Variants in ACSS2 observed in about 807,000 individuals in gnomAD.
The protein encoded by ACSS2 is acyl-CoA synthetase short chain family member 2, also known as acetyl-coenzyme A synthetase, cytoplasmic.
Under a neutral mutation model 90.6 loss-of-function variants are expected in ACSS2, and 58 were observed. That is an observed-to-expected ratio of 0.64 (90% CI 0.52 to 0.80). The LOEUF (loss-of-function observed/expected upper bound fraction) is 0.80, where lower values mean the gene tolerates loss of function less well. Ranked by LOEUF, ACSS2 falls within the 30% of genes least tolerant of loss-of-function variation. The pLI is 0.00. For synonymous variants in ACSS2, 300 were observed against 330.9 expected, an observed-to-expected ratio of 0.91 and a Z score of 1.01; for missense variants, 759 against 912.0, an observed-to-expected ratio of 0.83 and a Z score of 2.16.
At chr20:34,887,452 T>C (rs143812382) in intron 2 of ACSS2, among the ~76,000 whole-genome samples, 1 of 152,200 alleles carries the variant, frequency 6.6e-6, no homozygotes, top group African/African-American at 2.4e-5. Flanking sequence ...AAAGACCAAA[T>C]AGATTGGCCG....
chr20:34,921,535 C>T lies in ACSS2; in HGVS notation c.1411-9C>T. The stretch of plus-strand genomic sequence containing the variant: ...ATTGACTCAAATTTCTCATCTCTGA[C>T]TTCCCCAGGGTGGCCACATGTTGAC... On this transcript the variant is annotated splice_polypyrimidine_tract_variant and intron_variant, in intron 11 of 17. Coordinates refer to ENST00000360596, the MANE Select transcript of ACSS2 (RefSeq NM_018677.4). 1 of 1,614,244 alleles carries T rather than the reference C, an allele frequency of 6.2e-7. No individual in the cohort carries two copies. The highest frequency in any genetic ancestry group is 8.5e-7 in the Non-Finnish European group (1 of 1,180,048).
chr20:34,897,739 G>A (rs1244202870), intron 2 of ACSS2, among the ~76,000 whole-genome samples: 4 of 151,966 alleles, frequency 2.6e-5, no homozygotes, highest in African/African-American at 9.7e-5. Flanking sequence ...TGAGGCAGGA[G>A]AATTGCTTGA....
At chr20:34,894,217 C>T (rs1031303172) in intron 2 of ACSS2, among the ~76,000 whole-genome samples, 5 of 152,110 alleles carry the variant, frequency 3.3e-5, no homozygotes, top group Admixed American at 6.6e-5. Flanking sequence ...CTGCCAGGCA[C>T]AGTGGCTCAT....
intron 2 of ACSS2, among the ~76,000 whole-genome samples, chr20:34,911,021 G>A (rs908921032): frequency 1.1e-4 from 17 of 151,824 alleles, no homozygotes; most frequent in African/African-American, 4.1e-4. Flanking sequence ...TTAGCAATGA[G>A]GTTTTGCTGT....
rs1307128288 is a variant in ACSS2, at chr20:34,923,389, A to G, written c.1615A>G (p.Thr539Ala). The change falls in exon 14 of 18, where the codon ACC becomes GCC. Residue 539 changes from threonine to alanine, a missense_variant. Thr to Ala is a moderately conservative substitution (Grantham distance 58). Transcript: ENST00000360596. ...VYGNHERFETTYFKKFPGYYV... is the reference protein window; with the variant it reads ...VYGNHERFETAYFKKFPGYYV... ...TGGGAACCACGAACGCTTTGAGACAACCTACTTTAAGAAGTTTCCTGGATA... is the reference window on the plus strand; with the variant it reads ...TGGGAACCACGAACGCTTTGAGACAGCCTACTTTAAGAAGTTTCCTGGATA... 1.2e-6 allele frequency: 2 copies of G among 1,614,092 alleles called. No individual in the cohort carries two copies. Among genetic ancestry groups the G allele is most frequent in the Non-Finnish European group, 1.7e-6 (2 of 1,180,036 alleles).
chr20:34,921,629 G>A (rs767881274), intron 12 of ACSS2, 29 bp downstream of exon 12: 11 of 1,614,050 alleles, frequency 6.8e-6, no homozygotes, highest in East Asian at 2.2e-5. Context: ...GCTGGTCTTG[G>A]GCTAGGCAGG....
chr20:34,919,615 G>GTA (rs758655038), intron 8 of ACSS2, 43 bp downstream of exon 8: 75 of 1,247,894 alleles, frequency 6.0e-5, no homozygotes, highest in Non-Finnish European at 7.4e-5. Context: ...GTGTGTGTGT[G>GTA]TGTGTATTAT....
At chr20:34,893,297 G>A (rs1051601496) in intron 2 of ACSS2, among the ~76,000 whole-genome samples, 1 of 152,044 alleles carries the variant, frequency 6.6e-6, no homozygotes, top group African/African-American at 2.4e-5. Context: ...AAACTCCAAG[G>A]TCCAAGTGAT....
chr20:34,905,180 A>T (rs1316755147), intron 2 of ACSS2, among the ~76,000 whole-genome samples: 2 of 151,938 alleles, frequency 1.3e-5, no homozygotes, highest in Non-Finnish European at 1.5e-5. Flanking sequence ...GCCCTCCCAG[A>T]GTGCTGGTAT....
At chr20:34,917,738 T>C (rs1324349345) in intron 7 of ACSS2, among the ~76,000 whole-genome samples, 1 of 151,920 alleles carries the variant, frequency 6.6e-6, no homozygotes, top group East Asian at 1.9e-4. Context: ...TTGTGGGTTT[T>C]TTTTGTTGTT....
At chr20:34,887,438 T>C (rs1601293178) in intron 2 of ACSS2, among the ~76,000 whole-genome samples, 4 of 152,328 alleles carry the variant, frequency 2.6e-5, no homozygotes, top group Admixed American at 2.6e-4. Context: ...TACATTCTAT[T>C]TGGAAAGACC....
intron 2 of ACSS2, among the ~76,000 whole-genome samples, chr20:34,907,253 G>A (rs1483275757): frequency 2.0e-5 from 3 of 151,944 alleles, no homozygotes; most frequent in African/African-American, 7.2e-5. Flanking sequence ...GAGTAGCTGG[G>A]TTTACAGGCA....
At chr20:34,898,992 G>A (rs1332283608) in intron 2 of ACSS2, among the ~76,000 whole-genome samples, 1 of 152,230 alleles carries the variant, frequency 6.6e-6, no homozygotes, top group African/African-American at 2.4e-5. Context: ...GCGCAGTGCT[G>A]GTGGGCTGGC....
chr20:34,922,012 C>G (rs936059558), intron 13 of ACSS2, 146 bp downstream of exon 13: 2 of 1,444,274 alleles, frequency 1.4e-6, no homozygotes, highest in African/African-American at 2.8e-5. Flanking sequence ...CTGAGAGACC[C>G]TGGAGGGGAC....
At chr20:34,885,123 C>A (rs2080159235) in intron 2 of ACSS2, among the ~76,000 whole-genome samples, 1 of 151,764 alleles carries the variant, frequency 6.6e-6, no homozygotes, top group Admixed American at 6.6e-5. Context: ...TTGCTTGAGC[C>A]CAGGAGGCGG....
chr20:34,875,239 G>T, upstream of ACSS2: 2 of 523,514 alleles, frequency 3.8e-6, no homozygotes, highest in South Asian at 1.4e-5. Context: ...GGTGGTGGGG[G>T]TTTCCCTTGG....
chr20:34,876,534 C>A, upstream of ACSS2: 5 of 1,239,036 alleles, frequency 4.0e-6, no homozygotes, highest in Non-Finnish European at 5.1e-6. Flanking sequence ...CACTCCCCCA[C>A]TCACCAGGCC....
intron 1 of ACSS2, among the ~76,000 whole-genome samples, chr20:34,879,657 G>A (rs756568456): frequency 2.6e-5 from 4 of 152,096 alleles, no homozygotes; most frequent in Admixed American, 2.6e-4. Flanking sequence ...GCTTGAACCC[G>A]GGAGACGGAG....
chr20:34,927,023 C>T lies in ACSS2; in HGVS notation c.1979-64C>T, dbSNP rs2081335635. 5.6e-6 allele frequency: 9 copies of T among 1,613,776 alleles called. No individual in the cohort carries two copies. The highest frequency in any genetic ancestry group is 7.6e-6 in the Non-Finnish European group (9 of 1,179,876). On this transcript the variant is annotated intron_variant, in intron 17 of 17. Coordinates refer to ENST00000360596, the MANE Select transcript of ACSS2 (RefSeq NM_018677.4). The surrounding 1 kb of genome is among the most constrained non-coding windows in gnomAD (Gnocchi z 4.2). ...GTGGTGGGGTGTGCGTGGATGAAAG[C>T]CTTTGGCAGGGCTAGGGTGGGTCAG...
Sources: gnomAD v4.1 joint callset for allele counts (sites outside exome capture counted in the v4.1 genomes callset) on GRCh38, gnomAD v4.1.1 for gene constraint, Gnocchi (gnomAD v3.1) non-coding constraint, MANE v1.5 for transcripts, NCBI Gene and HGNC (gene_info 2026-07-23, HGNC 2026-07-21) for gene names.